ERBIN: variants seen among roughly 807,000 people sequenced by gnomAD.
ERBIN encodes the protein erbb2 interacting protein.
ERBIN carries 60 observed loss-of-function variants against 158.4 expected under a neutral mutation model. The observed-to-expected ratio is 0.38, with a 90% CI of 0.31 to 0.47. The LOEUF is 0.47. ERBIN is among the 20% of genes least tolerant of loss of function. ERBIN has a pLI of 0.99. For missense variants in ERBIN, 1,610 were observed against 1,648.0 expected (o/e 0.98, Z 0.40); for synonymous variants, 594 against 557.2 (o/e 1.07, Z -0.93).
At chr5:65,945,148 A>G (rs1158565551) in intron 1 of ERBIN, among the ~76,000 whole-genome samples, 6 of 152,204 alleles carry the variant, frequency 3.9e-5, no homozygotes. Flanking sequence ...TTATTTCAAA[A>G]TGTATGCAGG....
At chr5:65,988,983 C>CA (rs34731955) in intron 2 of ERBIN, among the ~76,000 whole-genome samples, 4,190 of 62,814 alleles carry the variant, frequency 0.067, 330 homozygotes, top group African/African-American at 0.22. Flanking sequence ...ACCCTGTTTC[C>CA]AAAAAAAAAA....
intron 21 of ERBIN, among the ~76,000 whole-genome samples, chr5:66,055,698 A>G (rs1759516251): frequency 6.6e-6 from 1 of 152,146 alleles, no homozygotes; most frequent in East Asian, 1.9e-4. Context: ...TTAACTTTAT[A>G]CTTACTCACT....
At position 66,044,252 on chromosome 5, in the gene ERBIN, G is replaced by A. The variant is rs1317005298; in HGVS notation, c.1544G>A (p.Gly515Glu). The A allele has an allele frequency of 1.2e-6, 2 of 1,611,238 alleles. No homozygotes were observed. The highest frequency in any genetic ancestry group is 1.7e-6 in the Non-Finnish European group (2 of 1,179,014). Residue 515 changes from glycine to glutamate, a missense_variant, in exon 17 of 26, where the codon GGA (glycine) becomes GAA (glutamate). By Grantham distance (98) the Gly-to-Glu change is moderately conservative (BLOSUM62 -2). Transcript: ENST00000284037. ...GATGAAGAGACCAATGAAGACTCAGGAAGAGATTTGAAACCACATGAAGAT... is the reference window on the plus strand; with the variant it reads ...GATGAAGAGACCAATGAAGACTCAGAAAGAGATTTGAAACCACATGAAGAT... ...LKDEETNEDS[G>E]RDLKPHEDQQ...
rs146514222 is a variant in ERBIN, at chr5:66,021,379, G to A, written c.591G>A (p.Thr197=). 205 of 1,598,796 alleles carry A rather than the reference G, an allele frequency of 1.3e-4. No individual in the cohort carries two copies. Among genetic ancestry groups the A allele is most frequent in the Non-Finnish European group, 1.7e-4 (199 of 1,169,262 alleles). ...ERLDLGSNEF[T]EVPEVLEQLS... ...TGGATTTGGGAAGTAACGAATTCAC[G>A]GAAGTGGTAAGTTCTCATCAGTCTC... The change falls in exon 8 of 26, where the codon ACG becomes ACA. Residue 197 remains threonine, a synonymous_variant. Transcript: ENST00000284037.
At position 66,078,492 on chromosome 5, in the gene ERBIN, A is replaced by T; in HGVS notation, c.4201A>T (p.Thr1401Ser). Residue 1401 changes from threonine (T) to serine (S), a missense_variant, in exon 26 of 26, where the codon ACA becomes TCA. By Grantham distance (58) the Thr-to-Ser change is moderately conservative. This residue lies in a region of ERBIN where 1,014 missense variants were observed against 936.1 expected (regional missense o/e 1.08). Coordinates refer to ENST00000284037, the MANE Select transcript of ERBIN (RefSeq NM_001253697.2). Reference protein sequence around the residue: ...AVSLLKTFQNTVELIIVREVS... With the variant: ...AVSLLKTFQNSVELIIVREVS... ...GTCCTTGCTAAAAACTTTCCAGAATACAGTTGAACTCATCATTGTACGAGA... is the reference window on the plus strand; with the variant it reads ...GTCCTTGCTAAAAACTTTCCAGAATTCAGTTGAACTCATCATTGTACGAGA... 1 of 1,603,112 alleles carries T rather than the reference A, an allele frequency of 6.2e-7. No individual in the cohort carries two copies. Among genetic ancestry groups the T allele is most frequent in the Non-Finnish European group, 8.5e-7 (1 of 1,176,892 alleles).
chr5:66,024,523 A>G (rs560605912), intron 10 of ERBIN, 73 bp downstream of exon 10: 37 of 1,423,586 alleles, frequency 2.6e-5, no homozygotes, highest in East Asian at 9.4e-5. Flanking sequence ...CTCAAATTTC[A>G]CTTGTTATGA....
intron 14 of ERBIN, 76 bp downstream of exon 14, chr5:66,028,419 T>C (rs949442442): frequency 8.8e-7 from 1 of 1,134,436 alleles, no homozygotes; most frequent in African/African-American, 1.5e-5. Context: ...TTACATAGGG[T>C]CATTTAAGAG....
chr5:66,077,718 T>G (rs185709761), intron 25 of ERBIN, among the ~76,000 whole-genome samples: 14 of 151,396 alleles, frequency 9.2e-5, no homozygotes, highest in African/African-American at 2.7e-4. Flanking sequence ...GTCTTTATCA[T>G]TTATTCTCCT....
At chr5:65,971,439 A>G (rs938453118) in intron 1 of ERBIN, among the ~76,000 whole-genome samples, 5 of 152,146 alleles carry the variant, frequency 3.3e-5, no homozygotes, top group African/African-American at 1.2e-4. Context: ...ACTTATTTGA[A>G]CTTTCAGATA....
chr5:65,931,895 C>A lies in ERBIN; in HGVS notation c.-58+5089C>A, dbSNP rs570501104. 1.5e-4 allele frequency among the ~76,000 whole-genome samples: 23 copies of A among 150,986 alleles called. No homozygotes were observed. In the South Asian group the frequency reaches 4.2e-3, roughly 28 times the overall value. ...GTGCAGTGGTGCAGTCTCGGCTCAC[C>A]GCAGCCTCTGCCTCCCGGGTTTAAG... is the stretch of plus-strand genomic sequence containing the variant. On this transcript the variant is annotated intron_variant, in intron 1 of 25. Coordinates refer to ENST00000284037, the MANE Select transcript of ERBIN (RefSeq NM_001253697.2).
At chr5:65,956,825 G>T (rs1471025097) in intron 1 of ERBIN, among the ~76,000 whole-genome samples, 1 of 152,082 alleles carries the variant, frequency 6.6e-6, no homozygotes, top group Non-Finnish European at 1.5e-5. Context: ...TGGATTTCTG[G>T]TGAACACTTT....
chr5:65,933,743 C>G (rs1413718039), intron 1 of ERBIN, among the ~76,000 whole-genome samples: 2 of 152,134 alleles, frequency 1.3e-5, no homozygotes, highest in Non-Finnish European at 2.9e-5. Context: ...CTGTTCTTAT[C>G]TGTAGGTATA....
intron 1 of ERBIN, among the ~76,000 whole-genome samples, chr5:65,984,471 C>T (rs960405575): frequency 1.3e-5 from 2 of 152,178 alleles, no homozygotes. Flanking sequence ...CCCTTCACTC[C>T]ATACCCACCA....
Position 66,076,320 on chromosome 5 carries a change from G to C in ERBIN, c.3968G>C (p.Arg1323Pro). 6.2e-7 allele frequency: 1 copy of C among 1,611,038 alleles called. No individual in the cohort carries two copies. Among genetic ancestry groups the C allele is most frequent in the Non-Finnish European group, 8.5e-7 (1 of 1,179,124 alleles). ...TTTATTTTCATATTAACTCAGATTC[G>C]AGTGAGGGTTGAAAAGGATCCAGAA... Reference protein sequence around the residue: ...QGHELAKQEIRVRVEKDPELG... With the variant: ...QGHELAKQEIPVRVEKDPELG... Residue 1323 changes from arginine (R) to proline (P), a missense_variant, in exon 24 of 26, where the codon CGA (arginine) becomes CCA (proline). Physicochemically the swap from Arg to Pro is moderately radical, Grantham distance 103 (BLOSUM62 -2). Around this residue, in one of 2 missense-constraint regions of ERBIN, gnomAD observed 1,014 missense variants for 936.1 expected, o/e 1.08. Coordinates refer to ENST00000284037, the MANE Select transcript of ERBIN (RefSeq NM_001253697.2).
At chr5:66,028,713 T>C (rs1756538494) in intron 14 of ERBIN, among the ~76,000 whole-genome samples, 1 of 152,180 alleles carries the variant, frequency 6.6e-6, no homozygotes, top group Admixed American at 6.5e-5. Context: ...TTAACTGTAG[T>C]CACCATGTTG....
At chr5:66,007,089 C>CT (rs1753683896) in intron 4 of ERBIN, among the ~76,000 whole-genome samples, 1 of 151,714 alleles carries the variant, frequency 6.6e-6, no homozygotes. Flanking sequence ...CACATGCACA[C>CT]GTATGTTTAT....
At chr5:65,962,995 G>A (rs1037276891) in intron 1 of ERBIN, among the ~76,000 whole-genome samples, 1 of 152,058 alleles carries the variant, frequency 6.6e-6, no homozygotes, top group Non-Finnish European at 1.5e-5. Context: ...GATCTGTCTT[G>A]AGATTAATTT....
intron 21 of ERBIN, among the ~76,000 whole-genome samples, chr5:66,067,206 T>A (rs1474331530): frequency 6.6e-6 from 1 of 152,226 alleles, no homozygotes; most frequent in East Asian, 1.9e-4. Context: ...AAGTTTAGCT[T>A]TTTCTTTAGT....
intron 1 of ERBIN, among the ~76,000 whole-genome samples, chr5:65,960,952 CG>C (rs561606021): frequency 6.6e-6 from 1 of 152,032 alleles, no homozygotes; most frequent in Non-Finnish European, 1.5e-5. Flanking sequence ...ATTTTGACAA[CG>C]AAAATGTTAT....
Sources: allele counts gnomAD v4.1 joint callset (sites outside exome capture counted in the v4.1 genomes callset), GRCh38; gene constraint gnomAD v4.1.1; regional missense constraint gnomAD v4.1.1; transcripts MANE v1.5; gene names NCBI Gene and HGNC (gene_info 2026-07-23, HGNC 2026-07-21).